NLRP4: variants seen among roughly 807,000 people sequenced by gnomAD.
The protein encoded by NLRP4 is NACHT, LRR and PYD domains-containing protein 4.
NLRP4 carries 44 observed loss-of-function variants against 84.7 expected under a neutral mutation model. The observed-to-expected ratio is 0.52, with a 90% CI of 0.41 to 0.67. The LOEUF is 0.67. NLRP4 is among the 30% of genes least tolerant of loss of function. The pLI is 0.00. For missense variants in NLRP4, 1,260 were observed against 1,219.4 expected (o/e 1.03, Z -0.50); for synonymous variants, 544 against 476.4 (o/e 1.14, Z -1.85).
In NLRP4 at chr19:55,880,567, C is replaced by T. The variant is rs73935435; in HGVS notation, c.2868-903C>T. ...AGTTTTCATCTTCCTCCAGCCCCTA[C>T]CATAGATAGTCTCACAAAGATGTGT... On this transcript the variant is annotated intron_variant, in intron 9 of 9. Coordinates refer to ENST00000301295, the MANE Select transcript of NLRP4 (RefSeq NM_134444.5). Among the ~76,000 whole-genome samples the T allele has an allele frequency of 7.4e-3, 1,124 of 152,248 alleles. 23 individuals carry two copies. The highest frequency in any genetic ancestry group is 0.026 in the African/African-American group (1,076 of 41,524).
intron 3 of NLRP4, among the ~76,000 whole-genome samples, chr19:55,860,113 A>G (rs944199169): frequency 6.6e-6 from 1 of 151,330 alleles, no homozygotes; most frequent in South Asian, 2.1e-4. Context: ...GGCCTCCCGA[A>G]TAGCTGGGAC....
intron 5 of NLRP4, among the ~76,000 whole-genome samples, chr19:55,864,519 C>G (rs1568668891): frequency 1.3e-5 from 2 of 152,126 alleles, no homozygotes; most frequent in Admixed American, 1.3e-4. Context: ...CTGAATAGTG[C>G]TCTATGAACA....
chr19:55,878,440 G>A (rs1402374819), intron 8 of NLRP4, among the ~76,000 whole-genome samples: 1 of 152,190 alleles, frequency 6.6e-6, no homozygotes, highest in Non-Finnish European at 1.5e-5. Context: ...ACCCAAAATG[G>A]TGGCTCAGAA....
At chr19:55,861,323 T>A (rs984503858) in intron 3 of NLRP4, 63 bp from the exon 4 acceptor site, 2 of 1,400,320 alleles carry the variant, frequency 1.4e-6, no homozygotes, top group Non-Finnish European at 2.0e-6. Context: ...AGTGCGTATA[T>A]GTGTTACAAG....
chr19:55,858,305 G>A lies in NLRP4; in HGVS notation c.912G>A (p.Glu304=), dbSNP rs1984544703. The A allele has an allele frequency of 1.2e-6, 2 of 1,614,212 alleles. No homozygotes were observed. Among genetic ancestry groups the A allele is most frequent in the South Asian group, 2.2e-5 (2 of 91,088 alleles). ...TCTACCAGCCCCGGGGATTCAACGA[G>A]AGTGATAGGTTAGTGTATTTCTGCT... ...SEIYQPRGFN[E]SDRLVYFCCF... Residue 304 remains glutamate, a synonymous_variant, in exon 3 of 10, where the codon GAG becomes GAA. Coordinates refer to ENST00000301295, the MANE Select transcript of NLRP4 (RefSeq NM_134444.5). The surrounding 1 kb of genome is among the most constrained non-coding windows in gnomAD (Gnocchi z 4.2).
chr19:55,865,625 T>C (rs944241620), intron 5 of NLRP4, among the ~76,000 whole-genome samples: 2 of 152,190 alleles, frequency 1.3e-5, no homozygotes, highest in African/African-American at 4.8e-5. Flanking sequence ...CACCAGCATA[T>C]ATTATTTCTT....
Position 55,858,019 on chromosome 19 carries a change from G to A in NLRP4, c.626G>A (p.Trp209Ter), listed in dbSNP as rs778373638. 1 of 1,614,174 alleles carries A rather than the reference G, an allele frequency of 6.2e-7. No homozygotes were observed. ...TSLADLISRE[W>*]PDPAAPITEI... is the part of the protein sequence containing the mutation. Reference sequence around the variant, plus strand: ...TTGGCTGACTTGATTTCCAGAGAGTGGCCTGACCCCGCTGCTCCTATAACA... The same window carrying A: ...TTGGCTGACTTGATTTCCAGAGAGTAGCCTGACCCCGCTGCTCCTATAACA... The change falls in exon 3 of 10, where the codon TGG (tryptophan) becomes TAG (stop). Residue 209 changes from tryptophan to a stop codon, truncating the protein, a stop_gained. Coordinates refer to ENST00000301295, the MANE Select transcript of NLRP4 (RefSeq NM_134444.5). LOFTEE classifies it high-confidence loss of function. This position sits in a 1 kb window ranked among gnomAD's most constrained non-coding sequence, Gnocchi z 4.2.
intron 1 of NLRP4, among the ~76,000 whole-genome samples, chr19:55,837,609 C>A (rs184372046): frequency 4.8e-4 from 72 of 151,014 alleles, no homozygotes; most frequent in African/African-American, 1.7e-3. Context: ...ACCCTAAAAA[C>A]ACACACACAC....
chr19:55,871,529 T>C (rs1568672798), intron 7 of NLRP4, among the ~76,000 whole-genome samples: 1 of 152,226 alleles, frequency 6.6e-6, no homozygotes, highest in Non-Finnish European at 1.5e-5. Context: ...GGGTAACCCC[T>C]GTAGCGGCGG....
At chr19:55,878,396 G>A (rs1985448715) in intron 8 of NLRP4, among the ~76,000 whole-genome samples, 1 of 152,146 alleles carries the variant, frequency 6.6e-6, no homozygotes, top group Non-Finnish European at 1.5e-5. Context: ...CTTCAGCCAG[G>A]ATGACAGAGA....
chr19:55,840,508 C>A (rs188945531), intron 1 of NLRP4, among the ~76,000 whole-genome samples: 1 of 152,058 alleles, frequency 6.6e-6, no homozygotes, highest in East Asian at 1.9e-4. Flanking sequence ...CTCAGCCTCC[C>A]GAGTAGCTGG....
intron 1 of NLRP4, among the ~76,000 whole-genome samples, chr19:55,841,249 G>C (rs772036844): frequency 7.9e-5 from 12 of 152,088 alleles, no homozygotes; most frequent in Non-Finnish European, 1.5e-4. Context: ...AACTGTAAGC[G>C]TGCCTGTTGA....
chr19:55,857,312 G>A (rs1463512467), intron 2 of NLRP4: 6 of 277,978 alleles, frequency 2.2e-5, no homozygotes, highest in East Asian at 6.1e-5. Flanking sequence ...CAAACTTTAC[G>A]TAGTAGCAAT....
chr19:55,862,953 C>T (rs2123043448), intron 5 of NLRP4, among the ~76,000 whole-genome samples: 1 of 152,332 alleles, frequency 6.6e-6, no homozygotes, highest in Admixed American at 6.5e-5. Flanking sequence ...TGGATTCTGG[C>T]AGATTATGTA....
chr19:55,861,691 A>G (rs1984763155), intron 4 of NLRP4, 144 bp downstream of exon 4: 2 of 704,342 alleles, frequency 2.8e-6, no homozygotes, highest in South Asian at 3.5e-5. Flanking sequence ...CAGACATCTC[A>G]TGCAGATCAT....
chr19:55,851,689 T>C (rs1353173059), intron 1 of NLRP4, among the ~76,000 whole-genome samples: 5 of 144,358 alleles, frequency 3.5e-5, no homozygotes, highest in African/African-American at 7.5e-5. Context: ...CGGTGTAATG[T>C]CCGAGGCTGC....
intron 8 of NLRP4, 118 bp downstream of exon 8, chr19:55,877,284 A>G: frequency 1.1e-6 from 1 of 912,410 alleles, no homozygotes; most frequent in Non-Finnish European, 1.7e-6. Flanking sequence ...CTGTGGTTGC[A>G]TCATGAACCA....
Position 55,881,820 on chromosome 19 carries a change from CCCT to C in NLRP4, c.*235_*237del. On this transcript the variant is annotated 3_prime_UTR_variant, in exon 10 of 10. Transcript: ENST00000301295. ...CTCGGTCTCACAAGGACCTCTTAAC[CCCT>C]CAATAAAGTGTTACATTTCTAAACA... The C allele has an allele frequency of 3.0e-6, 1 of 336,080 alleles. No individual in the cohort carries two copies. The highest frequency in any genetic ancestry group is 5.4e-6 in the Non-Finnish European group (1 of 186,726). 20.8% of individuals were successfully genotyped at this position (336,080 alleles called of 1,614,324 possible).
intron 1 of NLRP4, among the ~76,000 whole-genome samples, chr19:55,839,772 C>G (rs1411134437): frequency 6.6e-6 from 1 of 151,902 alleles, no homozygotes; most frequent in Non-Finnish European, 1.5e-5. Flanking sequence ...ATTATTTTTT[C>G]TACTTTCTTT....
Sources: allele counts gnomAD v4.1 joint callset (sites outside exome capture counted in the v4.1 genomes callset), GRCh38; gene constraint gnomAD v4.1.1; non-coding constraint Gnocchi (gnomAD v3.1); transcripts MANE v1.5; gene names NCBI Gene and HGNC (gene_info 2026-07-23, HGNC 2026-07-21).